Variants in YOD1 observed in about 807,000 individuals in gnomAD.
YOD1 encodes the protein ubiquitin thioesterase OTU1.
A neutral mutation model predicts 23.7 loss-of-function variants in YOD1; 17 were observed. That is an observed-to-expected ratio of 0.72 (90% CI 0.49 to 1.07). The LOEUF is 1.07. Among genes scored for constraint, YOD1 ranks in the 50% least tolerant of loss-of-function variants. The pLI is 0.00. For synonymous variants in YOD1, 191 were observed against 169.6 expected, an observed-to-expected ratio of 1.13 and a Z score of -0.98; for missense variants, 413 against 447.2, an observed-to-expected ratio of 0.92 and a Z score of 0.69.
Position 207,047,772 on chromosome 1 carries a change from G to C in YOD1, c.*1248C>G, listed in dbSNP as rs1022720809. 6.6e-6 allele frequency: 1 copy of C among 152,518 alleles called. No homozygotes were observed. The highest frequency in any genetic ancestry group is 2.4e-5 in the African/African-American group (1 of 41,448). 9.4% of individuals were successfully genotyped at this position (152,518 alleles called of 1,614,324 possible). On this transcript the variant is annotated 3_prime_UTR_variant, in exon 2 of 2. Coordinates refer to ENST00000315927, the MANE Select transcript of YOD1 (RefSeq NM_018566.4). ...TTCTGAGAAAGCTGCATAAGGCAAG[G>C]ATTTACAATTTTTTCTATTTTGGAA...
At chr1:207,051,875 G>A (rs930489808), upstream of YOD1, among the ~76,000 whole-genome samples, 6 of 152,322 alleles carry the variant, frequency 3.9e-5, no homozygotes, top group Admixed American at 6.5e-5. Context: ...AACAAATACT[G>A]GCTGAATGAA....
At chr1:207,052,433 G>T (rs951795047), upstream of YOD1, 1 of 496,462 alleles carries the variant, frequency 2.0e-6, no homozygotes, top group Admixed American at 3.6e-5. Context: ...AGGCCGAGGC[G>T]GGTGAATCAC....
At chr1:207,049,775 G>T (rs1388112912) in intron 1 of YOD1, 52 bp from the exon 2 acceptor site, 3 of 1,514,700 alleles carry the variant, frequency 2.0e-6, no homozygotes, top group Non-Finnish European at 2.7e-6. Context: ...AGAAGAAACC[G>T]AGTGTTCTCT....
Position 207,049,383 on chromosome 1 carries a change from C to A in YOD1, c.684G>T (p.Leu228Phe). ...ATATTTCACATTGGTAAAACTTGGA[C>A]AAAATCGATATCTCTATTGCTCCTC... ...TWGGAIEISI[L>F]SKFYQCEICV... is the part of the protein sequence containing the mutation. The change falls in exon 2 of 2, where the codon TTG becomes TTT. Residue 228 changes from leucine (L) to phenylalanine (F), a missense_variant. Transcript: ENST00000315927. 2 of 1,614,158 alleles carry A rather than the reference C, an allele frequency of 1.2e-6. No homozygotes were observed. Among genetic ancestry groups the A allele is most frequent in the Non-Finnish European group, 1.7e-6 (2 of 1,180,026 alleles).
upstream of YOD1, among the ~76,000 whole-genome samples, chr1:207,052,665 C>T (rs1432842327): frequency 1.3e-5 from 2 of 151,988 alleles, no homozygotes; most frequent in East Asian, 3.9e-4. Context: ...AAAACAAAAA[C>T]CAAACCAAAC....
In YOD1 at chr1:207,051,078, C is replaced by T. The variant is rs1682739382; in HGVS notation, c.-48G>A. 2.7e-6 allele frequency: 4 copies of T among 1,460,680 alleles called. No individual in the cohort carries two copies. Among genetic ancestry groups the T allele is most frequent in the African/African-American group, 2.8e-5 (2 of 70,214 alleles). The allele number at this position is 1,460,680 out of a possible 1,614,324, so 90.5% of individuals were successfully genotyped here. A position where few individuals can be genotyped will look rare whatever the true frequency, so the allele number is the denominator to read the frequency against. On this transcript the variant is annotated 5_prime_UTR_variant, in exon 1 of 2. Coordinates refer to ENST00000315927, the MANE Select transcript of YOD1 (RefSeq NM_018566.4). ...CAGTTATCGCGACGCTTCGGTGCGGCTTCTGCCTTAGTACCTTAGCAAGCG... is the reference window on the plus strand; with the variant it reads ...CAGTTATCGCGACGCTTCGGTGCGGTTTCTGCCTTAGTACCTTAGCAAGCG...
In YOD1 at chr1:207,045,194, G is replaced by A. The variant is rs1395625489; in HGVS notation, c.*3826C>T. The A allele has an allele frequency of 6.6e-6, 1 of 152,378 alleles. No individual in the cohort carries two copies. Among genetic ancestry groups the A allele is most frequent in the Non-Finnish European group, 1.5e-5 (1 of 67,924 alleles). 9.4% of individuals were successfully genotyped at this position (152,378 alleles called of 1,614,324 possible). A position where few individuals can be genotyped will look rare whatever the true frequency, so the allele number is the denominator to read the frequency against. On this transcript the variant is annotated 3_prime_UTR_variant, in exon 2 of 2. Transcript: ENST00000315927. ...AAGTCTGCTTGGAAACAAGTTTTAA[G>A]GATCGAATCTTTTAGAAATTATCAG...
upstream of YOD1, among the ~76,000 whole-genome samples, chr1:207,051,592 C>T (rs772005726): frequency 6.6e-6 from 1 of 152,162 alleles, no homozygotes; most frequent in African/African-American, 2.4e-5. Flanking sequence ...GCATCTGGGC[C>T]CAGGGCAGCT....
Position 207,047,684 on chromosome 1 carries a change from T to G in YOD1, c.*1336A>C, listed in dbSNP as rs1471666491. 2.0e-5 allele frequency: 3 copies of G among 152,624 alleles called. No individual in the cohort carries two copies. Among genetic ancestry groups the G allele is most frequent in the Non-Finnish European group, 4.4e-5 (3 of 68,004 alleles). The allele number at this position is 152,624 out of a possible 1,614,324, so 9.5% of individuals were successfully genotyped here. On this transcript the variant is annotated 3_prime_UTR_variant, in exon 2 of 2. Coordinates refer to ENST00000315927, the MANE Select transcript of YOD1 (RefSeq NM_018566.4). ...TGTAGTGAAGCTAAGTTTTAGAGGG[T>G]GTGCCTTGCGGATTAGTCCACTAAG... is the stretch of plus-strand genomic sequence containing the variant.
chr1:207,045,944 C>A lies in YOD1; in HGVS notation c.*3076G>T, dbSNP rs1682591193. The A allele has an allele frequency of 6.6e-6, 1 of 152,042 alleles. No individual in the cohort carries two copies. Among genetic ancestry groups the A allele is most frequent in the South Asian group, 2.1e-4 (1 of 4,834 alleles). 9.4% of individuals were successfully genotyped at this position (152,042 alleles called of 1,614,324 possible). A position where few individuals can be genotyped will look rare whatever the true frequency, so the allele number is the denominator to read the frequency against. ...TTGACTATGCTAATTTCATGGGAAA[C>A]AATGAAGAAATCAACCATGAACCAT... On this transcript the variant is annotated 3_prime_UTR_variant, in exon 2 of 2. Transcript: ENST00000315927.
At chr1:207,052,328 G>C, upstream of YOD1, 1 of 1,118,050 alleles carries the variant, frequency 8.9e-7, no homozygotes, top group Non-Finnish European at 1.3e-6. Flanking sequence ...TACAGCCTGG[G>C]TTAGGGGGTA....
In YOD1 at chr1:207,050,785, G is replaced by T. The variant is rs1381175185; in HGVS notation, c.246C>A (p.Ile82=). 1 of 1,613,408 alleles carries T rather than the reference G, an allele frequency of 6.2e-7. No individual in the cohort carries two copies. Among genetic ancestry groups the T allele is most frequent in the African/African-American group, 1.3e-5 (1 of 75,060 alleles). The change falls in exon 1 of 2, where the codon ATC becomes ATA. Residue 82 remains isoleucine, a synonymous_variant. Transcript: ENST00000315927. ...LQGQIAAITG[I]APGGQRILVG... is the part of the protein sequence containing the mutation. ...CGAGGATTCGCTGACCGCCGGGGGC[G>T]ATCCCGGTGATGGCGGCAATTTGGC...
chr1:207,048,583 T>C lies in YOD1; in HGVS notation c.*437A>G, dbSNP rs1475864846. 1 of 159,750 alleles carries C rather than the reference T, an allele frequency of 6.3e-6. No homozygotes were observed. The highest frequency in any genetic ancestry group is 1.4e-5 in the Non-Finnish European group (1 of 72,344). The allele number at this position is 159,750 out of a possible 1,614,324, so 9.9% of individuals were successfully genotyped here. A position where few individuals can be genotyped will look rare whatever the true frequency, so the allele number is the denominator to read the frequency against. On this transcript the variant is annotated 3_prime_UTR_variant, in exon 2 of 2. Coordinates refer to ENST00000315927, the MANE Select transcript of YOD1 (RefSeq NM_018566.4). ...TTCCACATTACCCAAAATGTGATGC[T>C]TTCTTCTACAAGTTAAAGCTGCTGG...
rs778687294 is a variant in YOD1 at position 207,050,865 on chromosome 1, C to A, written c.166G>T (p.Gly56Cys). ...MWRLRCKAKDGTHVLQGLSSR... is the reference protein window; with the variant it reads ...MWRLRCKAKDCTHVLQGLSSR... ...GACAGCCCCTGCAAAACATGGGTGCCGTCCTTGGCCTTGCAGCGGAGCCGC... is the reference window on the plus strand; with the variant it reads ...GACAGCCCCTGCAAAACATGGGTGCAGTCCTTGGCCTTGCAGCGGAGCCGC... Residue 56 changes from glycine to cysteine, a missense_variant, in exon 1 of 2, where the codon GGC (glycine) becomes TGC (cysteine). Physicochemically the swap from Gly to Cys is radical, Grantham distance 159. Transcript: ENST00000315927. 1.2e-6 allele frequency: 2 copies of A among 1,611,426 alleles called. No homozygotes were observed. The highest frequency in any genetic ancestry group is 3.3e-5 in the Admixed American group (2 of 59,942).
In YOD1 at chr1:207,051,026, A is replaced by C. The variant is rs1003314898; in HGVS notation, c.5T>G (p.Phe2Cys). 16 of 1,505,386 alleles carry C rather than the reference A, an allele frequency of 1.1e-5. No individual in the cohort carries two copies. In the African/African-American group the frequency reaches 1.8e-4, roughly 17 times the overall value. 93.3% of individuals were successfully genotyped at this position (1,505,386 alleles called of 1,614,324 possible). The change falls in exon 1 of 2, where the codon TTT (phenylalanine) becomes TGT (cysteine). Residue 2 changes from phenylalanine (F) to cysteine (C), a missense_variant. By Grantham distance (205) the Phe-to-Cys change is radical (BLOSUM62 -2). Coordinates refer to ENST00000315927, the MANE Select transcript of YOD1 (RefSeq NM_018566.4). The stretch of plus-strand genomic sequence containing the variant: ...AAAATGGCGACCTTTAGCGGGGCCA[A>C]ACATCGCGAGAAGTTGCGGGTGGTT... M[F>C]GPAKGRHFGV...
Position 207,049,065 on chromosome 1 carries a change from C to T in YOD1, c.1002G>A (p.Arg334=). The T allele has an allele frequency of 1.9e-6, 3 of 1,613,956 alleles. No homozygotes were observed. The Middle Eastern group carries it at 4.9e-4, about 266-fold the overall frequency. The change falls in exon 2 of 2, where the codon AGG becomes AGA. Residue 334 remains arginine (R), a synonymous_variant. Transcript: ENST00000315927. The part of the protein sequence containing the change: ...QKGLTGQAEA[R]EHAKETGHTN... ...TATGGCCTGTCTCCTTGGCATGTTC[C>T]CTTGCTTCTGCTTGTCCAGTTAATC...
rs1318017773 is a variant in YOD1 at position 207,047,604 on chromosome 1, A to C, written c.*1416T>G. The C allele has an allele frequency of 1.3e-5, 2 of 152,640 alleles. No homozygotes were observed. The highest frequency in any genetic ancestry group is 2.9e-5 in the Non-Finnish European group (2 of 68,010). The allele number at this position is 152,640 out of a possible 1,614,324, so 9.5% of individuals were successfully genotyped here. A position where few individuals can be genotyped will look rare whatever the true frequency, so the allele number is the denominator to read the frequency against. On this transcript the variant is annotated 3_prime_UTR_variant, in exon 2 of 2. Transcript: ENST00000315927. ...AATACATAACAAATTATAATTTAGC[A>C]TCCCTGATCAGAATAATTAAGAAAA...
upstream of YOD1, among the ~76,000 whole-genome samples, chr1:207,051,882 T>C (rs1048858067): frequency 6.6e-6 from 1 of 152,182 alleles, no homozygotes; most frequent in African/African-American, 2.4e-5. Flanking sequence ...ACTGGCTGAA[T>C]GAATAAAGAC....
rs1305607980 is a variant in YOD1 at position 207,044,895 on chromosome 1, C to A, written c.*4125G>T. 6.6e-6 allele frequency: 1 copy of A among 152,484 alleles called. No homozygotes were observed. Among genetic ancestry groups the A allele is most frequent in the Non-Finnish European group, 1.5e-5 (1 of 67,942 alleles). 9.4% of individuals were successfully genotyped at this position (152,484 alleles called of 1,614,324 possible). ...AATCAAGACCTAAATCAGCACCCTA[C>A]AATTCAACATCAATAATAATTTTAA... On this transcript the variant is annotated 3_prime_UTR_variant, in exon 2 of 2. Coordinates refer to ENST00000315927, the MANE Select transcript of YOD1 (RefSeq NM_018566.4).
Sources: gnomAD v4.1 joint callset for allele counts (sites outside exome capture counted in the v4.1 genomes callset) on GRCh38, gnomAD v4.1.1 for gene constraint, MANE v1.5 for transcripts, NCBI Gene and HGNC (gene_info 2026-07-23, HGNC 2026-07-21) for gene names.